TPD52L1: variants seen among roughly 807,000 people sequenced by gnomAD.
TPD52L1 encodes the protein TPD52 like 1, also known as tumor protein D53.
A neutral mutation model predicts 28.7 loss-of-function variants in TPD52L1; 18 were observed. The ratio of observed to expected loss-of-function variants is 0.63; its 90% CI spans 0.43 to 0.93. The LOEUF (loss-of-function observed/expected upper bound fraction) is 0.93, where lower values mean the gene tolerates loss of function less well. TPD52L1 is among the 40% of genes least tolerant of loss of function. The pLI is 0.00. For synonymous variants in TPD52L1, 75 were observed against 88.8 expected (o/e 0.84, Z 0.88); for missense variants, 203 against 254.8 (o/e 0.80, Z 1.39).
chr6:125,184,259 C>G (rs493973), intron 1 of TPD52L1, among the ~76,000 whole-genome samples: 44,262 of 152,110 alleles, frequency 0.29, 6,594 homozygotes, highest in Admixed American at 0.4. Context: ...CGGCACCAAG[C>G]AGTGGATCCT....
chr6:125,188,880 T>C (rs549480422), intron 1 of TPD52L1, among the ~76,000 whole-genome samples: 7 of 152,356 alleles, frequency 4.6e-5, no homozygotes, highest in African/African-American at 1.7e-4. Flanking sequence ...TTATTTCACA[T>C]ATGCCAATAA....
intron 1 of TPD52L1, among the ~76,000 whole-genome samples, chr6:125,185,872 T>C (rs1349530225): frequency 6.6e-6 from 1 of 150,924 alleles, no homozygotes. Flanking sequence ...GAGAATACCA[T>C]GTATAACTTT....
At chr6:125,194,013 C>A (rs1793234372) in intron 1 of TPD52L1, among the ~76,000 whole-genome samples, 1 of 137,916 alleles carries the variant, frequency 7.3e-6, no homozygotes, top group Non-Finnish European at 1.5e-5. Context: ...GTGGAAAAGT[C>A]TTCTGAATAG....
intron 5 of TPD52L1, 65 bp from the exon 6 acceptor site, chr6:125,257,033 C>G: frequency 1.4e-6 from 2 of 1,449,142 alleles, no homozygotes; most frequent in African/African-American, 2.8e-5. Context: ...AGCAGAAAAC[C>G]AAACAGCATG....
intron 1 of TPD52L1, among the ~76,000 whole-genome samples, chr6:125,180,776 A>G (rs904154142): frequency 6.6e-6 from 1 of 152,228 alleles, no homozygotes; most frequent in African/African-American, 2.4e-5. Flanking sequence ...CAGGTATGAA[A>G]AATGTTTTCT....
In TPD52L1 at chr6:125,180,575, C is replaced by CGT. The variant is rs1562231947; in HGVS notation, c.19+26605_19+26606insGT. ...CACACACATATATTATATATACACA[C>CGT]ACACACACACACACACACACTCACA... is the stretch of plus-strand genomic sequence containing the variant. On this transcript the variant is annotated intron_variant, in intron 1 of 6. Transcript: ENST00000534000. Among the ~76,000 whole-genome samples the CGT allele has an allele frequency of 2.0e-4, 29 of 147,344 alleles. 1 individual carries two copies. Among genetic ancestry groups the CGT allele is most frequent in the African/African-American group, 5.9e-4 (24 of 40,514 alleles).
intron 4 of TPD52L1, among the ~76,000 whole-genome samples, chr6:125,251,458 A>C (rs914436317): frequency 2.6e-5 from 4 of 151,094 alleles, no homozygotes; most frequent in African/African-American, 9.9e-5. Flanking sequence ...TTAATAGCTG[A>C]AAAAAAAGCT....
intron 1 of TPD52L1, among the ~76,000 whole-genome samples, chr6:125,217,464 T>C (rs757654601): frequency 6.6e-6 from 1 of 152,166 alleles, no homozygotes; most frequent in Non-Finnish European, 1.5e-5. Flanking sequence ...GCTAGATCCC[T>C]CGCATGTGCA....
chr6:125,258,304 C>A (rs1230845284), intron 6 of TPD52L1, among the ~76,000 whole-genome samples: 4 of 152,188 alleles, frequency 2.6e-5, no homozygotes, highest in Non-Finnish European at 5.9e-5. Flanking sequence ...TGCAGTTTCA[C>A]CGCTCTGCAT....
chr6:125,224,407 AAC>A (rs1441749220), intron 2 of TPD52L1, among the ~76,000 whole-genome samples: 1 of 151,518 alleles, frequency 6.6e-6, no homozygotes, highest in Non-Finnish European at 1.5e-5. Context: ...AGTCCCCAAG[AAC>A]ACACAGTGCT....
intron 1 of TPD52L1, among the ~76,000 whole-genome samples, chr6:125,211,397 A>G (rs1044295455): frequency 1.3e-5 from 2 of 152,160 alleles, no homozygotes; most frequent in African/African-American, 4.8e-5. Context: ...GCAAGACATA[A>G]TTGATTATGA....
chr6:125,259,035 A>G (rs1425988408), intron 6 of TPD52L1, among the ~76,000 whole-genome samples: 1 of 152,102 alleles, frequency 6.6e-6, no homozygotes, highest in Non-Finnish European at 1.5e-5. Flanking sequence ...GATATGTATA[A>G]CCCTTTTTTA....
At position 125,214,022 on chromosome 6, in the gene TPD52L1, G is replaced by A. The variant is rs78698746; in HGVS notation, c.20-6056G>A. 2.4e-3 allele frequency among the ~76,000 whole-genome samples: 362 copies of A among 152,290 alleles called. 2 individuals carry two copies. The highest frequency in any genetic ancestry group is 4.1e-3 in the Non-Finnish European group (282 of 68,010). On this transcript the variant is annotated intron_variant, in intron 1 of 6. Coordinates refer to ENST00000534000, the MANE Select transcript of TPD52L1 (RefSeq NM_003287.4). ...TCCTTAGGCCAGAGGAGAGTTCTTG[G>A]AACCAGACGATGGCTGAGCTGTAGA...
chr6:125,181,250 A>C (rs1288941607), intron 1 of TPD52L1, among the ~76,000 whole-genome samples: 3 of 152,218 alleles, frequency 2.0e-5, no homozygotes, highest in Admixed American at 2.0e-4. Context: ...CTATGTCAAG[A>C]TCAAAATTCA....
intron 6 of TPD52L1, among the ~76,000 whole-genome samples, chr6:125,257,667 A>G (rs1422970802): frequency 6.6e-6 from 1 of 152,202 alleles, no homozygotes; most frequent in African/African-American, 2.4e-5. Flanking sequence ...AAACTGAGTC[A>G]CAAAATGCAT....
At chr6:125,167,886 G>A (rs944734601) in intron 1 of TPD52L1, among the ~76,000 whole-genome samples, 2 of 151,968 alleles carry the variant, frequency 1.3e-5, no homozygotes, top group African/African-American at 4.8e-5. Flanking sequence ...GGGGTGGGTT[G>A]AGTAACAGTA....
chr6:125,193,337 C>T (rs747524431), intron 1 of TPD52L1, among the ~76,000 whole-genome samples: 1 of 152,116 alleles, frequency 6.6e-6, no homozygotes, highest in Non-Finnish European at 1.5e-5. Context: ...TTCCTTCTCC[C>T]TCTTCTGATA....
chr6:125,198,911 T>C (rs920141171), intron 1 of TPD52L1, among the ~76,000 whole-genome samples: 12 of 152,128 alleles, frequency 7.9e-5, no homozygotes, highest in African/African-American at 2.9e-4. Context: ...AACAATGAGT[T>C]CCCCTACCTG....
In TPD52L1 at chr6:125,208,313, A is replaced by G. The variant is rs180916219; in HGVS notation, c.20-11765A>G. 2.6e-3 allele frequency among the ~76,000 whole-genome samples: 403 copies of G among 152,346 alleles called. 2 individuals carry two copies. Among genetic ancestry groups the G allele is most frequent in the African/African-American group, 9.4e-3 (390 of 41,580 alleles). On this transcript the variant is annotated intron_variant, in intron 1 of 6. Transcript: ENST00000534000. ...AGGATTCAGCTGGGGATAAGGAGGA[A>G]TAAACACAGTCATCTAAGATAGTTT...
Sources: gnomAD v4.1 joint callset for allele counts (sites outside exome capture counted in the v4.1 genomes callset) on GRCh38, gnomAD v4.1.1 for gene constraint, MANE v1.5 for transcripts, NCBI Gene and HGNC (gene_info 2026-07-23, HGNC 2026-07-21) for gene names.